The following TTBK2 variants were observed in gnomAD, a reference collection of about 807,000 sequenced individuals.
TTBK2 encodes tau-tubulin kinase 2.
In TTBK2, 28 loss-of-function variants were observed where a neutral mutation model predicts 110.8. The ratio of observed to expected loss-of-function variants is 0.25; its 90% CI spans 0.19 to 0.35. TTBK2 has a LOEUF of 0.35. TTBK2 is among the 10% of genes least tolerant of loss of function. The pLI, the probability that TTBK2 is intolerant of heterozygous loss-of-function variation, is 1.00. For missense variants in TTBK2, 1,369 were observed against 1,500.3 expected (o/e 0.91, Z 1.45); for synonymous variants, 532 against 527.3 (o/e 1.01, Z -0.12).
At chr15:42,838,555 C>G (rs959600556) in intron 4 of TTBK2, among the ~76,000 whole-genome samples, 8 of 152,178 alleles carry the variant, frequency 5.3e-5, no homozygotes, top group African/African-American at 1.7e-4. Context: ...GTGGCTCACA[C>G]CTGTAATCCT....
intron 10 of TTBK2, among the ~76,000 whole-genome samples, chr15:42,793,108 G>A (rs763764930): frequency 3.9e-5 from 6 of 152,128 alleles, no homozygotes; most frequent in Non-Finnish European, 7.4e-5. Context: ...TGTAAGATAG[G>A]GTGGCTGGAC....
chr15:42,775,773 TATATA>T lies in TTBK2; in HGVS notation c.1410-55_1410-51del, dbSNP rs1889892025. On this transcript the variant is annotated intron_variant, in intron 12 of 14. Transcript: ENST00000267890. Reference sequence around the variant, plus strand: ...TCAACTGTCCTAAGGAAACATTTATTATATAATATATAAGCTCCATAAAGAACTAA... The same window carrying T: ...TCAACTGTCCTAAGGAAACATTTATTATATATAAGCTCCATAAAGAACTAA... The T allele has an allele frequency of 2.8e-6, 4 of 1,404,272 alleles. No homozygotes were observed. The Admixed American group carries it at 7.6e-5, about 27-fold the overall frequency. 87.0% of individuals were successfully genotyped at this position (1,404,272 alleles called of 1,614,324 possible).
intron 11 of TTBK2, 145 bp from the exon 12 acceptor site, chr15:42,777,387 C>T (rs1011968308): frequency 2.5e-5 from 19 of 764,070 alleles, no homozygotes; most frequent in Non-Finnish European, 4.0e-5. Context: ...TACTTCATTA[C>T]ATTCTTATCT....
chr15:42,775,265 T>G lies in TTBK2; in HGVS notation c.1868A>C (p.Glu623Ala). The G allele has an allele frequency of 6.2e-7, 1 of 1,614,222 alleles. No individual in the cohort carries two copies. The highest frequency in any genetic ancestry group is 8.5e-7 in the Non-Finnish European group (1 of 1,180,034). The change falls in exon 13 of 15, where the codon GAG becomes GCG. Residue 623 changes from glutamate to alanine, a missense_variant. This residue lies in a region of TTBK2 where 1,097 missense variants were observed against 1,114.7 expected (regional missense o/e 0.98). Transcript: ENST00000267890. ...TTCTGAAGCAGCAGTAGGAGGACCC[T>G]CTGCAGAAAGTGCTAAGACCACACC... ...TSGVVLALSA[E>A]GPPTAASEQY...
At chr15:42,909,385 T>C (rs1218677082) in intron 1 of TTBK2, among the ~76,000 whole-genome samples, 1 of 152,232 alleles carries the variant, frequency 6.6e-6, no homozygotes, top group African/African-American at 2.4e-5. Flanking sequence ...CTCTGACTTT[T>C]GCTTCCATTG....
intron 3 of TTBK2, among the ~76,000 whole-genome samples, chr15:42,870,928 C>G (rs1429462402): frequency 2.0e-5 from 3 of 151,780 alleles, no homozygotes; most frequent in African/African-American, 7.3e-5. Flanking sequence ...TCAACAAATC[C>G]TATAAAGGGT....
At chr15:42,754,816 C>T (rs1477592904) in intron 13 of TTBK2, among the ~76,000 whole-genome samples, 1 of 149,208 alleles carries the variant, frequency 6.7e-6, no homozygotes, top group Admixed American at 6.6e-5. Flanking sequence ...CGAGACCAGC[C>T]TGGCCAACAT....
intron 1 of TTBK2, among the ~76,000 whole-genome samples, chr15:42,914,984 T>C (rs2030998612): frequency 6.6e-6 from 1 of 152,252 alleles, no homozygotes; most frequent in African/African-American, 2.4e-5. Context: ...TTTGTCTTGT[T>C]GGCTGTTAAA....
intron 10 of TTBK2, among the ~76,000 whole-genome samples, chr15:42,786,012 C>T (rs542209951): frequency 5.9e-5 from 9 of 152,038 alleles, no homozygotes; most frequent in South Asian, 4.1e-4. Flanking sequence ...ACTTGGTAAC[C>T]GATGACCTTC....
rs1474632958 is a variant in TTBK2 at position 42,864,575 on chromosome 15, A to C, written c.217+8036T>G. ...CCCCAGCCTAGGCAATAAGAACGAA[A>C]CTCCATCTCAAAAAAAAAGAAAAAA... is the stretch of plus-strand genomic sequence containing the variant. On this transcript the variant is annotated intron_variant, in intron 3 of 14. Coordinates refer to ENST00000267890, the MANE Select transcript of TTBK2 (RefSeq NM_173500.4). Among the ~76,000 whole-genome samples the C allele has an allele frequency of 2.0e-5, 3 of 151,330 alleles. No homozygotes were observed. The South Asian group carries it at 6.3e-4, about 32-fold the overall frequency.
intron 1 of TTBK2, among the ~76,000 whole-genome samples, chr15:42,917,192 A>T (rs114020028): frequency 0.012 from 1,761 of 152,204 alleles, 31 homozygotes; most frequent in African/African-American, 0.04. Context: ...AAACAGCTAT[A>T]AACACTCCAA....
In TTBK2 at chr15:42,797,426, A is replaced by G. The variant is rs17775235; in HGVS notation, c.823-2625T>C. 7.4e-3 allele frequency among the ~76,000 whole-genome samples: 1,135 copies of G among 152,368 alleles called. 5 individuals carry two copies. Among genetic ancestry groups the G allele is most frequent in the Non-Finnish European group, 0.011 (762 of 68,038 alleles). ...GACACCAGCAGCAGGAGGCAGAAAG[A>G]TGGAGGACACAGAACAAAAGAAATA... On this transcript the variant is annotated intron_variant, in intron 9 of 14. Transcript: ENST00000267890.
intron 4 of TTBK2, among the ~76,000 whole-genome samples, chr15:42,833,446 T>C (rs1450274568): frequency 6.6e-6 from 1 of 152,186 alleles, no homozygotes; most frequent in Non-Finnish European, 1.5e-5. Context: ...TCACCCAGAA[T>C]TAATAATTAT....
In TTBK2 at chr15:42,765,530, C is replaced by A. The variant is rs1426401065; in HGVS notation, c.1998+9605G>T. On this transcript the variant is annotated intron_variant, in intron 13 of 14. Transcript: ENST00000267890. ...AGAAAGGGTATCAGTGATTGAAGAT[C>A]AAATTAATGAAATGAAGCGAGAAGA... 2.0e-5 allele frequency among the ~76,000 whole-genome samples: 3 copies of A among 151,974 alleles called. No individual in the cohort carries two copies. In the East Asian group the frequency reaches 5.8e-4, roughly 29 times the overall value.
chr15:42,865,396 T>C (rs1167163540), intron 3 of TTBK2, among the ~76,000 whole-genome samples: 2 of 148,526 alleles, frequency 1.3e-5, no homozygotes, highest in East Asian at 2.0e-4. Flanking sequence ...GGAGGAGAGG[T>C]TGCAGTGAGC....
intron 2 of TTBK2, among the ~76,000 whole-genome samples, chr15:42,876,443 C>T (rs920915429): frequency 5.3e-5 from 8 of 152,148 alleles, no homozygotes; most frequent in Non-Finnish European, 7.3e-5. Flanking sequence ...CAAAGCAACA[C>T]TCATGTCTGA....
At position 42,775,394 on chromosome 15, in the gene TTBK2, T is replaced by A. The variant is rs367953866; in HGVS notation, c.1739A>T (p.Asp580Val). ...GACTTGAAGTACTTCAGGCTCCTCA[T>A]CAGAAGGACTTCCAGTTGTTTTATG... ...VGHKTTGSPSDEEPEVLQVLE... is the reference protein window; with the variant it reads ...VGHKTTGSPSVEEPEVLQVLE... Residue 580 changes from aspartate to valine, a missense_variant, in exon 13 of 15, where the codon GAT becomes GTT. Asp to Val is a radical substitution (Grantham distance 152). Coordinates refer to ENST00000267890, the MANE Select transcript of TTBK2 (RefSeq NM_173500.4). The A allele has an allele frequency of 1.4e-5, 22 of 1,614,116 alleles. No individual in the cohort carries two copies. In the African/African-American group the frequency reaches 2.8e-4, roughly 21 times the overall value.
At chr15:42,874,889 G>C (rs896251585) in intron 2 of TTBK2, among the ~76,000 whole-genome samples, 4 of 151,248 alleles carry the variant, frequency 2.6e-5, no homozygotes, top group African/African-American at 9.7e-5. Context: ...AGGAGGCTGA[G>C]ACAGGAGAAT....
chr15:42,846,158 A>G (rs1893454268), intron 3 of TTBK2, among the ~76,000 whole-genome samples: 1 of 151,164 alleles, frequency 6.6e-6, no homozygotes, highest in South Asian at 2.1e-4. Context: ...TATTTAGTAC[A>G]GACGCAATAT....
Sources: allele counts gnomAD v4.1 joint callset (sites outside exome capture counted in the v4.1 genomes callset), GRCh38; gene constraint gnomAD v4.1.1; regional missense constraint gnomAD v4.1.1; transcripts MANE v1.5; gene names NCBI Gene and HGNC (gene_info 2026-07-23, HGNC 2026-07-21).